The following MAPK8IP1 variants were observed in gnomAD, a reference collection of about 807,000 sequenced individuals.
The protein encoded by MAPK8IP1 is C-Jun-amino-terminal kinase-interacting protein 1.
In MAPK8IP1, 17 loss-of-function variants were observed where a neutral mutation model predicts 72.6. The ratio of observed to expected loss-of-function variants is 0.23; its 90% CI spans 0.16 to 0.35. MAPK8IP1 has a LOEUF of 0.35. Ranked by LOEUF, MAPK8IP1 falls within the 10% of genes least tolerant of loss-of-function variation. The pLI, the probability that MAPK8IP1 is intolerant of heterozygous loss-of-function variation, is 1.00. For synonymous variants in MAPK8IP1, 401 were observed against 443.4 expected (o/e 0.90, Z 1.20); for missense variants, 789 against 1,009.7 (o/e 0.78, Z 2.96).
chr11:45,905,039 C>G lies in MAPK8IP1; in HGVS notation c.1962C>G (p.Asn654Lys), dbSNP rs755552372. ...ISFCGYHPKN[N>K]KYFGFITKHP... ...TCTGCGGATATCATCCAAAGAACAA[C>G]AAGTAAGTGGGGGTGGGATGGCAGT... Residue 654 changes from asparagine (N) to lysine (K), a missense_variant and splice_region_variant, in exon 10 of 12, where the codon AAC (asparagine) becomes AAG (lysine). Asn to Lys is a moderately conservative substitution (Grantham distance 94). Coordinates refer to ENST00000241014, the MANE Select transcript of MAPK8IP1 (RefSeq NM_005456.4). 2.4e-5 allele frequency: 38 copies of G among 1,613,946 alleles called. No individual in the cohort carries two copies. The highest frequency in any genetic ancestry group is 2.4e-5 in the Non-Finnish European group (28 of 1,180,004).
At position 45,904,650 on chromosome 11, in the gene MAPK8IP1, G is replaced by T. The variant is rs1408044207; in HGVS notation, c.1777-68G>T. 5 of 1,599,926 alleles carry T rather than the reference G, an allele frequency of 3.1e-6. No individual in the cohort carries two copies. The highest frequency in any genetic ancestry group is 4.3e-6 in the Non-Finnish European group (5 of 1,167,616). On this transcript the variant is annotated intron_variant, in intron 8 of 11. Transcript: ENST00000241014. This position sits in a 1 kb window ranked among gnomAD's most constrained non-coding sequence, Gnocchi z 6.4. ...TGTCTAGAGGCAGTAAAGGGCTCAG[G>T]CCCTGGGACAGGAGGGATCAGCAGA...
chr11:45,895,619 CAAAAA>C (rs1256044597), intron 1 of MAPK8IP1, among the ~76,000 whole-genome samples: 7 of 31,232 alleles, frequency 2.2e-4, no homozygotes, highest in African/African-American at 3.8e-4. Flanking sequence ...AAGGCCGTCT[CAAAAA>C]AAAAAAAAAA....
At chr11:45,897,959 C>T (rs1325038938) in intron 1 of MAPK8IP1, 126 bp from the exon 2 acceptor site, 5 of 683,240 alleles carry the variant, frequency 7.3e-6, no homozygotes, top group African/African-American at 7.1e-5. Context: ...TACAGATGAA[C>T]CCCAAATCCT....
intron 1 of MAPK8IP1, among the ~76,000 whole-genome samples, chr11:45,897,339 G>A (rs535591908): frequency 1.3e-5 from 2 of 152,246 alleles, no homozygotes; most frequent in Admixed American, 1.3e-4. Context: ...GGGTTCTAGT[G>A]GAGCTGGTTA....
chr11:45,886,878 G>T (rs1163176197), intron 1 of MAPK8IP1, among the ~76,000 whole-genome samples: 6 of 152,100 alleles, frequency 3.9e-5, no homozygotes, highest in African/African-American at 9.7e-5. Flanking sequence ...CCAGGCTCCA[G>T]CTGGGCTGTG....
intron 1 of MAPK8IP1, among the ~76,000 whole-genome samples, chr11:45,887,313 G>A (rs746457229): frequency 9.2e-5 from 14 of 152,192 alleles, no homozygotes; most frequent in Non-Finnish European, 1.8e-4. Flanking sequence ...CTGGAAAGGA[G>A]AAAAAGCACA....
intron 1 of MAPK8IP1, among the ~76,000 whole-genome samples, chr11:45,891,586 C>G (rs899558362): frequency 6.6e-6 from 1 of 152,144 alleles, no homozygotes; most frequent in Admixed American, 6.5e-5. Flanking sequence ...GCTAGGCTGG[C>G]ATGACCCAAG....
rs758979263 is a variant in MAPK8IP1, at chr11:45,902,096, G to T, written c.604+35G>T. 6.4e-7 allele frequency: 1 copy of T among 1,569,836 alleles called. No individual in the cohort carries two copies. The highest frequency in any genetic ancestry group is 2.2e-5 in the East Asian group (1 of 44,664). On this transcript the variant is annotated intron_variant, in intron 4 of 11. Coordinates refer to ENST00000241014, the MANE Select transcript of MAPK8IP1 (RefSeq NM_005456.4). This position sits in a 1 kb window ranked among gnomAD's most constrained non-coding sequence, Gnocchi z 9.3. ...GGCCCTCTTCCTTACCTGGACCTCC[G>T]CCTGCCCTGACTCAGTCCCCACTAC...
chr11:45,897,982 CTG>C (rs2086620980), intron 1 of MAPK8IP1, 101 bp from the exon 2 acceptor site: 1 of 722,394 alleles, frequency 1.4e-6, no homozygotes, highest in Admixed American at 2.0e-5. Flanking sequence ...CCTCTGGGGG[CTG>C]TGTTTGGCCT....
chr11:45,893,393 G>C (rs1224696923), intron 1 of MAPK8IP1, among the ~76,000 whole-genome samples: 1 of 152,176 alleles, frequency 6.6e-6, no homozygotes, highest in Admixed American at 6.5e-5. Flanking sequence ...GGGAGCAGGA[G>C]CTGGTATGGC....
At chr11:45,886,401 G>A (rs2086527860) in intron 1 of MAPK8IP1, among the ~76,000 whole-genome samples, 1 of 152,242 alleles carries the variant, frequency 6.6e-6, no homozygotes, top group South Asian at 2.1e-4. Flanking sequence ...TGGCCAGATG[G>A]GCCTACCTGC....
At chr11:45,893,897 C>A (rs902960427) in intron 1 of MAPK8IP1, among the ~76,000 whole-genome samples, 1 of 151,608 alleles carries the variant, frequency 6.6e-6, no homozygotes, top group African/African-American at 2.4e-5. Flanking sequence ...CATAAAGGGA[C>A]CCCCCAGGGT....
chr11:45,885,694 C>A lies in MAPK8IP1; in HGVS notation c.-127C>A. ...CGGTGCTGTGCCGCGCCCTGCCAGA[C>A]ACAGGTGCGCCCGCCTAGCCCGAAC... On this transcript the variant is annotated 5_prime_UTR_variant, in exon 1 of 12. Transcript: ENST00000241014. 2.3e-6 allele frequency: 1 copy of A among 433,126 alleles called. No individual in the cohort carries two copies. Among genetic ancestry groups the A allele is most frequent in the South Asian group, 5.8e-5 (1 of 17,170 alleles). The allele number at this position is 433,126 out of a possible 1,614,324, so 26.8% of individuals were successfully genotyped here.
Position 45,898,098 on chromosome 11 carries a change from A to G in MAPK8IP1, c.115A>G (p.Ile39Val), listed in dbSNP as rs1330617723. 2 of 1,612,498 alleles carry G rather than the reference A, an allele frequency of 1.2e-6. No homozygotes were observed. The highest frequency in any genetic ancestry group is 1.7e-6 in the Non-Finnish European group (2 of 1,178,680). ...TGTCCCCACCAGGCTCACCCATGAC[A>G]TCAGCCTGGAGGAGTTTGAGGATGA... ...SPPNFRLTHD[I>V]SLEEFEDEDL... is the part of the protein sequence containing the mutation. Residue 39 changes from isoleucine (I) to valine (V), a missense_variant, in exon 2 of 12, where the codon ATC becomes GTC. Coordinates refer to ENST00000241014, the MANE Select transcript of MAPK8IP1 (RefSeq NM_005456.4).
At chr11:45,899,251 T>C (rs1379615052) in intron 2 of MAPK8IP1, among the ~76,000 whole-genome samples, 2 of 152,236 alleles carry the variant, frequency 1.3e-5, no homozygotes, top group Non-Finnish European at 2.9e-5. Context: ...TGTTCTGGAC[T>C]CTCACCCTGC....
At position 45,906,043 on chromosome 11, in the gene MAPK8IP1, T is replaced by A. The variant is rs41275176; in HGVS notation, c.*322T>A. On this transcript the variant is annotated 3_prime_UTR_variant, in exon 12 of 12. Coordinates refer to ENST00000241014, the MANE Select transcript of MAPK8IP1 (RefSeq NM_005456.4). Reference sequence around the variant, plus strand: ...ACACGGCCCTGCCCCATCCTGGGCCTTACCTCCCCTGCCAGGGCTCGGGCG... The same window carrying A: ...ACACGGCCCTGCCCCATCCTGGGCCATACCTCCCCTGCCAGGGCTCGGGCG... The A allele has an allele frequency of 1.2e-5, 6 of 498,934 alleles. No homozygotes were observed. Among genetic ancestry groups the A allele is most frequent in the African/African-American group, 1.2e-4 (6 of 51,786 alleles). The allele number at this position is 498,934 out of a possible 1,614,324, so 30.9% of individuals were successfully genotyped here.
At chr11:45,895,596 G>A (rs2086597309) in intron 1 of MAPK8IP1, among the ~76,000 whole-genome samples, 2 of 145,538 alleles carry the variant, frequency 1.4e-5, no homozygotes, top group Admixed American at 1.4e-4. Flanking sequence ...CTCCAGCCTG[G>A]GTGACAGAGC....
chr11:45,894,972 T>TA (rs2086592448), intron 1 of MAPK8IP1, among the ~76,000 whole-genome samples: 1 of 152,168 alleles, frequency 6.6e-6, no homozygotes, highest in Non-Finnish European at 1.5e-5. Context: ...AGAATGAGCT[T>TA]AACTGAGCAC....
intron 1 of MAPK8IP1, 113 bp downstream of exon 1, chr11:45,886,034 C>A (rs1013997969): frequency 3.3e-6 from 2 of 603,222 alleles, no homozygotes; most frequent in Admixed American, 4.2e-5. Flanking sequence ...GAAAGGGCTG[C>A]GTGGGAGTGG....
Sources: gnomAD v4.1 joint callset for allele counts (sites outside exome capture counted in the v4.1 genomes callset) on GRCh38, gnomAD v4.1.1 for gene constraint, Gnocchi (gnomAD v3.1) non-coding constraint, MANE v1.5 for transcripts, NCBI Gene and HGNC (gene_info 2026-07-23, HGNC 2026-07-21) for gene names.